The following IGF1R variants were observed in gnomAD, a reference collection of about 807,000 sequenced individuals.
IGF1R encodes insulin-like growth factor 1 receptor.
In IGF1R, 44 loss-of-function variants were observed where a neutral mutation model predicts 144.6. That is an observed-to-expected ratio of 0.30 (90% CI 0.24 to 0.39). The LOEUF (loss-of-function observed/expected upper bound fraction) is 0.39, where lower values mean the gene tolerates loss of function less well. Ranked by LOEUF, IGF1R falls within the 10% of genes least tolerant of loss-of-function variation. The probability of loss-of-function intolerance (pLI) is 1.00; values close to 1 mark genes in which losing one functional copy is unlikely to be tolerated. For missense variants in IGF1R, 1,355 were observed against 1,833.7 expected, an observed-to-expected ratio of 0.74 and a Z score of 4.77; for synonymous variants, 795 against 722.8, an observed-to-expected ratio of 1.10 and a Z score of -1.60.
chr15:98,821,280 G>GCCC (rs1213042017), intron 2 of IGF1R, among the ~76,000 whole-genome samples: 12 of 146,606 alleles, frequency 8.2e-5, no homozygotes, highest in African/African-American at 2.7e-4. Context: ...TTTTAAACAC[G>GCCC]CCTCCCCCCC....
intron 2 of IGF1R, among the ~76,000 whole-genome samples, chr15:98,883,992 A>G (rs529380923): frequency 6.6e-6 from 1 of 152,282 alleles, no homozygotes; most frequent in African/African-American, 2.4e-5. Context: ...CAAATACATT[A>G]TTATTGTTAC....
chr15:98,712,372 TTTCTA>T (rs1458263488), intron 2 of IGF1R, among the ~76,000 whole-genome samples: 2 of 152,184 alleles, frequency 1.3e-5, no homozygotes, highest in Non-Finnish European at 2.9e-5. Context: ...TTTTTTTTCT[TTTCTA>T]TTCCCTCTTA....
At position 98,923,881 on chromosome 15, in the gene IGF1R, G is replaced by A; in HGVS notation, c.2491G>A (p.Ala831Thr). Residue 831 changes from alanine (A) to threonine (T), a missense_variant, in exon 12 of 21, where the codon GCA becomes ACA. By Grantham distance (58) the Ala-to-Thr change is moderately conservative. This residue lies in a region of IGF1R where 880 missense variants were observed against 1,202.7 expected (regional missense o/e 0.73). Transcript: ENST00000650285. Reference protein sequence around the residue: ...VFARTMPAEGADDIPGPVTWE... With the variant: ...VFARTMPAEGTDDIPGPVTWE... ...CACCTGTTTAAATTGTACAGAAGGA[G>A]CAGATGACATTCCTGGGCCAGTGAC... 1 of 1,613,914 alleles carries A rather than the reference G, an allele frequency of 6.2e-7. No individual in the cohort carries two copies. Among genetic ancestry groups the A allele is most frequent in the Non-Finnish European group, 8.5e-7 (1 of 1,179,770 alleles).
chr15:98,856,332 G>C (rs2011817588), intron 2 of IGF1R, among the ~76,000 whole-genome samples: 1 of 152,240 alleles, frequency 6.6e-6, no homozygotes, highest in African/African-American at 2.4e-5. Context: ...CACCAGGGGA[G>C]CTTTTCTGAC....
At chr15:98,673,156 C>T (rs180747109) in intron 1 of IGF1R, among the ~76,000 whole-genome samples, 100 of 152,208 alleles carry the variant, frequency 6.6e-4, no homozygotes, top group African/African-American at 2.2e-3. Context: ...TACTGTGCCA[C>T]GTAGCATTCT....
chr15:98,757,449 C>A (rs182386532), intron 2 of IGF1R, among the ~76,000 whole-genome samples: 1 of 152,252 alleles, frequency 6.6e-6, no homozygotes, highest in East Asian at 1.9e-4. Context: ...CAGGTGTGAG[C>A]CACCACACCG....
chr15:98,852,919 C>G (rs1450162077), intron 2 of IGF1R, among the ~76,000 whole-genome samples: 1 of 152,204 alleles, frequency 6.6e-6, no homozygotes, highest in African/African-American at 2.4e-5. Context: ...TGTTCTCAGG[C>G]TTGTTTTCCT....
intron 1 of IGF1R, chr15:98,660,439 A>G (rs1250043958): frequency 6.6e-6 from 1 of 152,234 alleles, no homozygotes; most frequent in Non-Finnish European, 1.5e-5. Context: ...GGGGAGGGGA[A>G]TGGTACCTTG....
At chr15:98,896,734 A>ATTTTTTTTTT in intron 3 of IGF1R, 23 bp from the exon 4 acceptor site, 1 of 1,543,076 alleles carries the variant, frequency 6.5e-7, no homozygotes, top group Non-Finnish European at 8.9e-7. Flanking sequence ...TGTGTTTTTG[A>ATTTTTTTTTT]TTTTTTTTTT....
At chr15:98,802,907 A>T (rs1189585850) in intron 2 of IGF1R, among the ~76,000 whole-genome samples, 1 of 152,210 alleles carries the variant, frequency 6.6e-6, no homozygotes, top group African/African-American at 2.4e-5. Context: ...GTAATATGTA[A>T]TGTTCTACTG....
At chr15:98,845,568 G>A (rs1024344545) in intron 2 of IGF1R, among the ~76,000 whole-genome samples, 47 of 121,608 alleles carry the variant, frequency 3.9e-4, no homozygotes, top group African/African-American at 1.4e-3. Context: ...CTCTTCTCTC[G>A]TTTCTCTTCT....
chr15:98,707,795 A>C lies in IGF1R; in HGVS notation c.328A>C (p.Lys110Gln). Residue 110 changes from lysine (K) to glutamine (Q), a missense_variant, in exon 2 of 21, where the codon AAA becomes CAA. Lys to Gln is a moderately conservative substitution (Grantham distance 53, BLOSUM62 1). Coordinates refer to ENST00000650285, the MANE Select transcript of IGF1R (RefSeq NM_000875.5). This position sits in a 1 kb window ranked among gnomAD's most constrained non-coding sequence, Gnocchi z 6.7. ...CAACCTCACGGTCATCCGCGGCTGG[A>C]AACTCTTCTACAACTACGCCCTGGT... ...FPNLTVIRGW[K>Q]LFYNYALVIF... 1 of 1,614,194 alleles carries C rather than the reference A, an allele frequency of 6.2e-7. No individual in the cohort carries two copies. The highest frequency in any genetic ancestry group is 2.2e-5 in the East Asian group (1 of 44,880).
intron 1 of IGF1R, among the ~76,000 whole-genome samples, chr15:98,702,785 A>C (rs1028601097): frequency 2.0e-4 from 31 of 152,062 alleles, no homozygotes; most frequent in African/African-American, 7.5e-4. Flanking sequence ...TAAAAAACAA[A>C]ACAAAACCTA....
At chr15:98,747,443 G>A (rs976452109) in intron 2 of IGF1R, among the ~76,000 whole-genome samples, 20 of 152,106 alleles carry the variant, frequency 1.3e-4, no homozygotes, top group Admixed American at 6.5e-5. Context: ...TGATCCGCCC[G>A]CCTCGGCCTC....
intron 1 of IGF1R, among the ~76,000 whole-genome samples, chr15:98,689,048 C>T (rs2053407218): frequency 6.6e-6 from 1 of 152,112 alleles, no homozygotes; most frequent in Admixed American, 6.6e-5. Context: ...AAAATTAAAT[C>T]ACTCTGCAAA....
chr15:98,924,595 C>A lies in IGF1R; in HGVS notation c.2693C>A (p.Pro898Gln), dbSNP rs142608976. Residue 898 changes from proline to glutamine, a missense_variant, in exon 13 of 21, where the codon CCG becomes CAG. Physicochemically the swap from Pro to Gln is moderately conservative, Grantham distance 76. Around this residue, in one of 7 missense-constraint regions of IGF1R, gnomAD observed 880 missense variants for 1,202.7 expected, o/e 0.73. Transcript: ENST00000650285. ...GGGGCCAAGCTAAACCGGCTAAACC[C>A]GGGGAACTACACAGCCCGGATTCAG... ...YGGAKLNRLN[P>Q]GNYTARIQAT... 31 of 1,613,938 alleles carry A rather than the reference C, an allele frequency of 1.9e-5. No homozygotes were observed. The highest frequency in any genetic ancestry group is 2.5e-5 in the Non-Finnish European group (30 of 1,179,938).
chr15:98,946,962 G>T (rs2016577362), intron 19 of IGF1R, among the ~76,000 whole-genome samples: 1 of 152,182 alleles, frequency 6.6e-6, no homozygotes, highest in Admixed American at 6.5e-5. Context: ...TTTGTTGTTG[G>T]AGAGCTAGTC....
chr15:98,885,018 C>A (rs2013569677), intron 2 of IGF1R, among the ~76,000 whole-genome samples: 1 of 152,146 alleles, frequency 6.6e-6, no homozygotes. Flanking sequence ...TTCTCTTGGC[C>A]CGCACTCTCT....
At chr15:98,725,098 C>G (rs1327310738) in intron 2 of IGF1R, among the ~76,000 whole-genome samples, 2 of 152,202 alleles carry the variant, frequency 1.3e-5, no homozygotes, top group Non-Finnish European at 2.9e-5. Context: ...TCTCCTGTTC[C>G]CTGGCCATTT....
Sources: gnomAD v4.1 joint callset for allele counts (sites outside exome capture counted in the v4.1 genomes callset) on GRCh38, gnomAD v4.1.1 for gene constraint, gnomAD v4.1.1 regional missense constraint, Gnocchi (gnomAD v3.1) non-coding constraint, MANE v1.5 for transcripts, NCBI Gene and HGNC (gene_info 2026-07-23, HGNC 2026-07-21) for gene names.